The following KCND2 variants were observed in gnomAD, a reference collection of about 807,000 sequenced individuals.
The protein encoded by KCND2 is A-type voltage-gated potassium channel KCND2.
A neutral mutation model predicts 54.4 loss-of-function variants in KCND2; 16 were observed. That is an observed-to-expected ratio of 0.29 (90% CI 0.20 to 0.45). KCND2 has a LOEUF of 0.45. Among genes scored for constraint, KCND2 ranks in the 20% least tolerant of loss-of-function variants. The pLI is 1.00. For synonymous variants in KCND2, 317 were observed against 310.7 expected (o/e 1.02, Z -0.21); for missense variants, 486 against 824.2 (o/e 0.59, Z 5.02).
At chr7:120,365,211 A>AAGGGAGGG (rs756083868) in intron 1 of KCND2, among the ~76,000 whole-genome samples, 1 of 113,460 alleles carries the variant, frequency 8.8e-6, no homozygotes, top group Middle Eastern at 3.8e-3. Context: ...AGAAGGAAGG[A>AAGGGAGGG]AGGGAGGGAG....
intron 1 of KCND2, among the ~76,000 whole-genome samples, chr7:120,457,150 T>C (rs151158898): frequency 0.01 from 1,547 of 152,268 alleles, 9 homozygotes; most frequent in Non-Finnish European, 0.015. Flanking sequence ...TCCCCGGGCC[T>C]GGCCCAGGGA....
intron 1 of KCND2, among the ~76,000 whole-genome samples, chr7:120,580,532 T>C (rs994623639): frequency 6.6e-6 from 1 of 152,152 alleles, no homozygotes; most frequent in Non-Finnish European, 1.5e-5. Flanking sequence ...CATACTCAAG[T>C]GATAATTATT....
chr7:120,450,998 A>C (rs1456889147), intron 1 of KCND2, among the ~76,000 whole-genome samples: 1 of 152,036 alleles, frequency 6.6e-6, no homozygotes, highest in African/African-American at 2.4e-5. Context: ...TCCTGGACTC[A>C]TTTTCCCTCT....
intron 1 of KCND2, among the ~76,000 whole-genome samples, chr7:120,400,475 C>A (rs1769052453): frequency 6.6e-6 from 1 of 152,248 alleles, no homozygotes; most frequent in Admixed American, 6.5e-5. Context: ...GTCTGTCTTT[C>A]CCACTGGAAG....
Position 120,369,391 on chromosome 7 carries a change from G to T in KCND2, c.1115+93644G>T, listed in dbSNP as rs530388842. On this transcript the variant is annotated intron_variant, in intron 1 of 5. Transcript: ENST00000331113. ...TTTAATCTTCAAAAAACAACAGCTT[G>T]CGGGGGTCAATCTTTTAAAGTACAT... Among the ~76,000 whole-genome samples the T allele has an allele frequency of 2.0e-5, 3 of 152,090 alleles. No individual in the cohort carries two copies. The South Asian group carries it at 6.2e-4, about 32-fold the overall frequency.
chr7:120,620,284 A>T (rs1390611932), intron 1 of KCND2, among the ~76,000 whole-genome samples: 1 of 152,162 alleles, frequency 6.6e-6, no homozygotes, highest in South Asian at 2.1e-4. Context: ...AGACACTTTC[A>T]TTCATTTACA....
intron 1 of KCND2, among the ~76,000 whole-genome samples, chr7:120,485,475 A>G (rs1802680002): frequency 6.6e-6 from 1 of 152,160 alleles, no homozygotes; most frequent in African/African-American, 2.4e-5. Flanking sequence ...TGGTAATGAC[A>G]TATGCCCGGT....
In KCND2 at chr7:120,412,321, A is replaced by G. The variant is rs189359921; in HGVS notation, c.1115+136574A>G. Among the ~76,000 whole-genome samples, 245 of 152,128 alleles carry G rather than the reference A, an allele frequency of 1.6e-3. 2 individuals carry two copies. Among genetic ancestry groups the G allele is most frequent in the African/African-American group, 5.6e-3 (234 of 41,550 alleles). On this transcript the variant is annotated intron_variant, in intron 1 of 5. Coordinates refer to ENST00000331113, the MANE Select transcript of KCND2 (RefSeq NM_012281.3). The stretch of plus-strand genomic sequence containing the variant: ...TTGTCTTATGATTGGGTTATTCTCA[A>G]TCTTACTCTTAAGAGTCTCAGTTCT...
chr7:120,644,996 A>G (rs1300950872), intron 1 of KCND2, among the ~76,000 whole-genome samples: 1 of 151,922 alleles, frequency 6.6e-6, no homozygotes, highest in Admixed American at 6.6e-5. Flanking sequence ...TAAACTTTTT[A>G]TATGTCCCAT....
At chr7:120,623,304 A>C (rs6950967) in intron 1 of KCND2, among the ~76,000 whole-genome samples, 11,522 of 152,168 alleles carry the variant, frequency 0.076, 1,021 homozygotes, top group East Asian at 0.45. Flanking sequence ...TAATAGTTCA[A>C]TCATGTTTGG....
At position 120,511,709 on chromosome 7, in the gene KCND2, G is replaced by C. The variant is rs145690594; in HGVS notation, c.1116-221194G>C. ...TTACCTTTTTCATCTTTTTGATATTGTTTTCTTGACTGTAATTTGAGGATA... is the reference window on the plus strand; with the variant it reads ...TTACCTTTTTCATCTTTTTGATATTCTTTTCTTGACTGTAATTTGAGGATA... On this transcript the variant is annotated intron_variant, in intron 1 of 5. Coordinates refer to ENST00000331113, the MANE Select transcript of KCND2 (RefSeq NM_012281.3). Among the ~76,000 whole-genome samples, 5 of 152,090 alleles carry C rather than the reference G, an allele frequency of 3.3e-5. No individual in the cohort carries two copies. The East Asian group carries it at 9.7e-4, about 29-fold the overall frequency.
chr7:120,392,030 T>A (rs1051363519), intron 1 of KCND2, among the ~76,000 whole-genome samples: 1 of 151,922 alleles, frequency 6.6e-6, no homozygotes, highest in African/African-American at 2.4e-5. Context: ...TTTTCTTCTA[T>A]GGTTTTTATA....
intron 1 of KCND2, among the ~76,000 whole-genome samples, chr7:120,658,962 C>T (rs1247189327): frequency 2.0e-5 from 3 of 152,106 alleles, no homozygotes; most frequent in Admixed American, 1.3e-4. Context: ...AACTTAAACA[C>T]CTAGGAGAGA....
At chr7:120,493,087 C>T (rs1802806797) in intron 1 of KCND2, among the ~76,000 whole-genome samples, 1 of 151,892 alleles carries the variant, frequency 6.6e-6, no homozygotes, top group South Asian at 2.1e-4. Flanking sequence ...ACACTAATGC[C>T]TTGGGGGCTT....
intron 1 of KCND2, among the ~76,000 whole-genome samples, chr7:120,294,940 A>G (rs981254231): frequency 1.3e-5 from 2 of 151,870 alleles, no homozygotes; most frequent in African/African-American, 4.8e-5. Flanking sequence ...CCTAGGTTAG[A>G]AACTCTTGAA....
chr7:120,487,346 A>C (rs1802709446), intron 1 of KCND2, among the ~76,000 whole-genome samples: 1 of 152,172 alleles, frequency 6.6e-6, no homozygotes, highest in South Asian at 2.1e-4. Flanking sequence ...AACGAACAAC[A>C]ATTTAAAAAA....
At chr7:120,732,809 A>T in intron 1 of KCND2, 94 bp from the exon 2 acceptor site, 1 of 991,800 alleles carries the variant, frequency 1.0e-6, no homozygotes. Context: ...ATGTCCAAAA[A>T]ATCATTTGAC....
chr7:120,415,634 G>C (rs775032475), intron 1 of KCND2, among the ~76,000 whole-genome samples: 6 of 151,998 alleles, frequency 3.9e-5, no homozygotes, highest in Non-Finnish European at 7.4e-5. Context: ...CTCAGTCTGG[G>C]CTCTCCTTTC....
Position 120,681,783 on chromosome 7 carries a change from T to C in KCND2, c.1116-51120T>C, listed in dbSNP as rs151196183. Among the ~76,000 whole-genome samples, 1,438 of 152,184 alleles carry C rather than the reference T, an allele frequency of 9.4e-3. 9 individuals carry two copies. The highest frequency in any genetic ancestry group is 0.015 in the Non-Finnish European group (1,015 of 67,952). ...CAGTTGAAATATGTGAATGCTGGTT[T>C]TATATCAGAAATTGAGGATTATTTT... On this transcript the variant is annotated intron_variant, in intron 1 of 5. Transcript: ENST00000331113.
Sources: gnomAD v4.1 joint callset for allele counts (sites outside exome capture counted in the v4.1 genomes callset) on GRCh38, gnomAD v4.1.1 for gene constraint, MANE v1.5 for transcripts, NCBI Gene and HGNC (gene_info 2026-07-23, HGNC 2026-07-21) for gene names.